ARHGAP42: variants seen among roughly 807,000 people sequenced by gnomAD.
ARHGAP42 encodes Rho GTPase activating protein 42, also known as rho GTPase-activating protein 42.
A neutral mutation model predicts 125.0 loss-of-function variants in ARHGAP42; 63 were observed. That is an observed-to-expected ratio of 0.50 (90% CI 0.41 to 0.62). The LOEUF (loss-of-function observed/expected upper bound fraction) is 0.62, where lower values mean the gene tolerates loss of function less well. Ranked by LOEUF, ARHGAP42 falls within the 20% of genes least tolerant of loss-of-function variation. The pLI is 0.00. For missense variants in ARHGAP42, 766 were observed against 1,024.2 expected, an observed-to-expected ratio of 0.75 and a Z score of 3.44; for synonymous variants, 339 against 351.0, an observed-to-expected ratio of 0.97 and a Z score of 0.38.
intron 3 of ARHGAP42, among the ~76,000 whole-genome samples, chr11:100,801,628 TG>T (rs1284222134): frequency 3.9e-5 from 6 of 152,250 alleles, no homozygotes; most frequent in African/African-American, 7.2e-5. Flanking sequence ...TTTGTTTGTT[TG>T]TTTTTTTACA....
chr11:100,962,417 C>A lies in ARHGAP42; in HGVS notation c.1394C>A (p.Ala465Glu). 2 of 1,550,790 alleles carry A rather than the reference C, an allele frequency of 1.3e-6. No homozygotes were observed. Among genetic ancestry groups the A allele is most frequent in the Non-Finnish European group, 1.7e-6 (2 of 1,146,398 alleles). The change falls in exon 16 of 24, where the codon GCA (alanine) becomes GAA (glutamate). Residue 465 changes from alanine (A) to glutamate (E), a missense_variant. By Grantham distance (107) the Ala-to-Glu change is moderately radical. Coordinates refer to ENST00000298815, the MANE Select transcript of ARHGAP42 (RefSeq NM_152432.4). ...TCCTTTCTCTGTTGTAGGTGCCTTG[C>A]AGAACCACTGATGACTTACAAGTTG... ...SGLKNYLRCL[A>E]EPLMTYKLHK...
At chr11:100,858,117 G>GTGTGTGTGTGTT (rs33909850) in intron 3 of ARHGAP42, among the ~76,000 whole-genome samples, 34,077 of 134,384 alleles carry the variant, frequency 0.25, 3,581 homozygotes, top group Non-Finnish European at 0.3. Flanking sequence ...GTGTGTGTGT[G>GTGTGTGTGTGTT]TGTGTGTTTA....
At chr11:100,951,029 A>C (rs1344146638) in intron 12 of ARHGAP42, among the ~76,000 whole-genome samples, 1 of 151,948 alleles carries the variant, frequency 6.6e-6, no homozygotes, top group Middle Eastern at 3.2e-3. Context: ...CCTGACATTT[A>C]GATTGCTGTG....
chr11:100,789,692 A>T (rs1210274482), intron 2 of ARHGAP42, among the ~76,000 whole-genome samples: 1 of 152,198 alleles, frequency 6.6e-6, no homozygotes, highest in African/African-American at 2.4e-5. Flanking sequence ...CTGCTGAGTC[A>T]TGCTGCACTG....
intron 22 of ARHGAP42, chr11:100,986,413 T>G: frequency 4.3e-6 from 1 of 233,528 alleles, no homozygotes; most frequent in Non-Finnish European, 8.4e-6. Context: ...TGGAGTAGAG[T>G]AGGAGAGCAG....
chr11:100,889,874 AG>A (rs911773032), intron 4 of ARHGAP42, among the ~76,000 whole-genome samples: 1 of 152,012 alleles, frequency 6.6e-6, no homozygotes, highest in Non-Finnish European at 1.5e-5. Flanking sequence ...CACCTTCCCA[AG>A]GTGGGTCCCA....
rs373059302 is a variant in ARHGAP42, at chr11:100,837,666, CTTTTTTTTTTTT to C, written c.313-21868_313-21857del. The stretch of plus-strand genomic sequence containing the variant: ...CAGTTCCCAGAATCTAGGTGTCATC[CTTTTTTTTTTTT>C]TTTTTTTTTTTTTTTTTTTAGTAAA... On this transcript the variant is annotated intron_variant, in intron 3 of 23. Transcript: ENST00000298815. 1.8e-4 allele frequency among the ~76,000 whole-genome samples: 11 copies of C among 61,070 alleles called. 1 individual carries two copies. The highest frequency in any genetic ancestry group is 1.4e-3 in the Admixed American group (7 of 5,156). 40.1% of individuals were successfully genotyped at this position (61,070 alleles called of 152,430 possible). A position where few individuals can be genotyped will look rare whatever the true frequency, so the allele number is the denominator to read the frequency against.
intron 4 of ARHGAP42, among the ~76,000 whole-genome samples, chr11:100,906,809 A>C (rs2135221151): frequency 6.6e-6 from 1 of 152,258 alleles, no homozygotes; most frequent in African/African-American, 2.4e-5. Context: ...TTCTACCCAG[A>C]ACTGTGTTTT....
At chr11:100,754,873 G>T (rs182173697) in intron 1 of ARHGAP42, among the ~76,000 whole-genome samples, 18 of 152,240 alleles carry the variant, frequency 1.2e-4, no homozygotes, top group Admixed American at 9.8e-4. Flanking sequence ...TCACATGAAA[G>T]TAATAATAAA....
intron 3 of ARHGAP42, among the ~76,000 whole-genome samples, chr11:100,802,062 G>T (rs994270459): frequency 1.3e-5 from 2 of 152,162 alleles, no homozygotes; most frequent in Non-Finnish European, 2.9e-5. Flanking sequence ...GTCAGACTCA[G>T]ACTACCTCTA....
intron 4 of ARHGAP42, among the ~76,000 whole-genome samples, chr11:100,867,314 G>A (rs796939423): frequency 2.6e-5 from 4 of 152,336 alleles, no homozygotes; most frequent in African/African-American, 9.6e-5. Flanking sequence ...TCTAAGAGAA[G>A]GCTGTTTTGT....
intron 1 of ARHGAP42, among the ~76,000 whole-genome samples, chr11:100,768,939 C>A (rs1862900730): frequency 1.3e-5 from 2 of 152,142 alleles, no homozygotes; most frequent in Admixed American, 1.3e-4. Context: ...GCTGTTTTGT[C>A]ATTGTACAAA....
In ARHGAP42 at chr11:100,919,367, T is replaced by C. The variant is rs139477061; in HGVS notation, c.487-2127T>C. ...CAGTTAGAGTGATGTGAACCCTCCC[T>C]AAACTAACATTCCCAGACACCAGCC... On this transcript the variant is annotated intron_variant, in intron 5 of 23. Transcript: ENST00000298815. Among the ~76,000 whole-genome samples the C allele has an allele frequency of 2.0e-3, 309 of 152,196 alleles. 1 individual carries two copies. Among genetic ancestry groups the C allele is most frequent in the African/African-American group, 7.2e-3 (298 of 41,526 alleles).
At chr11:100,719,334 G>A (rs1397098735) in intron 1 of ARHGAP42, among the ~76,000 whole-genome samples, 1 of 152,000 alleles carries the variant, frequency 6.6e-6, no homozygotes, top group Non-Finnish European at 1.5e-5. Context: ...TGTAACAGGA[G>A]GATGTATCTA....
intron 1 of ARHGAP42, among the ~76,000 whole-genome samples, chr11:100,697,618 C>G (rs771472238): frequency 2.0e-5 from 3 of 152,184 alleles, no homozygotes; most frequent in Non-Finnish European, 4.4e-5. Flanking sequence ...ATGAAAGACC[C>G]AGGTTCAGTT....
At chr11:100,947,129 A>C (rs10895031) in intron 10 of ARHGAP42, among the ~76,000 whole-genome samples, 133,951 of 151,854 alleles carry the variant, frequency 0.88, 59,173 homozygotes, top group East Asian at 1. Flanking sequence ...ATGGGTGTGG[A>C]ATTAACCTCT....
chr11:100,940,525 G>A (rs551829486), intron 8 of ARHGAP42, among the ~76,000 whole-genome samples: 1 of 152,230 alleles, frequency 6.6e-6, no homozygotes, highest in South Asian at 2.1e-4. Context: ...TCTACGCCCT[G>A]ATAAATTCCC....
intron 3 of ARHGAP42, among the ~76,000 whole-genome samples, chr11:100,823,781 A>G (rs2086133822): frequency 6.6e-6 from 1 of 152,204 alleles, no homozygotes; most frequent in Non-Finnish European, 1.5e-5. Flanking sequence ...TCAAATATAA[A>G]CAATTATTTA....
intron 2 of ARHGAP42, among the ~76,000 whole-genome samples, chr11:100,788,525 C>T (rs959549640): frequency 2.0e-5 from 3 of 152,090 alleles, no homozygotes; most frequent in Admixed American, 2.0e-4. Context: ...TAATAGGAAG[C>T]AATTTATTGA....
Sources: allele counts gnomAD v4.1 joint callset (sites outside exome capture counted in the v4.1 genomes callset), GRCh38; gene constraint gnomAD v4.1.1; transcripts MANE v1.5; gene names NCBI Gene and HGNC (gene_info 2026-07-23, HGNC 2026-07-21).